ITGB3: variants seen among roughly 807,000 people sequenced by gnomAD.
The protein encoded by ITGB3 is integrin subunit beta 3.
ITGB3 carries 48 observed loss-of-function variants against 85.8 expected under a neutral mutation model. The observed-to-expected ratio is 0.56, with a 90% CI of 0.44 to 0.71. The LOEUF is 0.71. Ranked by LOEUF, ITGB3 falls within the 30% of genes least tolerant of loss-of-function variation. The pLI is 0.00. For missense variants in ITGB3, 861 were observed against 1,019.1 expected, an observed-to-expected ratio of 0.84 and a Z score of 2.11; for synonymous variants, 363 against 395.6, an observed-to-expected ratio of 0.92 and a Z score of 0.98.
intron 4 of ITGB3, 135 bp from the exon 5 acceptor site, chr17:47,286,125 G>C: frequency 2.0e-6 from 2 of 985,428 alleles, no homozygotes; most frequent in Non-Finnish European, 3.2e-6. Flanking sequence ...AGTCTGAACT[G>C]TCTGGGTAAC....
In ITGB3 at chr17:47,292,587, C is replaced by G. The variant is rs562984912; in HGVS notation, c.1690+19C>G. On this transcript the variant is annotated intron_variant, in intron 10 of 14. Transcript: ENST00000559488. ...TGCTCAGGTGAGGAGAACTGCAGGG[C>G]CCCCTGTCCTGGAACCCACACCCCC... is the stretch of plus-strand genomic sequence containing the variant. 6.3e-7 allele frequency: 1 copy of G among 1,599,024 alleles called. No individual in the cohort carries two copies. Among genetic ancestry groups the G allele is most frequent in the Non-Finnish European group, 8.5e-7 (1 of 1,179,256 alleles).
intron 2 of ITGB3, chr17:47,279,416 T>C (rs2292866): frequency 0.099 from 15,013 of 152,284 alleles, 978 homozygotes; most frequent in East Asian, 0.23. Context: ...GTCACTGCCT[T>C]GGTGCTCTTC....
intron 14 of ITGB3, 137 bp downstream of exon 14, chr17:47,307,774 T>C: frequency 1.2e-6 from 1 of 832,242 alleles, no homozygotes; most frequent in Non-Finnish European, 2.0e-6. Context: ...CTGGGAGAGA[T>C]GGTCTCACTA....
At chr17:47,278,063 C>A (rs1354281320) in intron 2 of ITGB3, among the ~76,000 whole-genome samples, 1 of 152,146 alleles carries the variant, frequency 6.6e-6, no homozygotes, top group Non-Finnish European at 1.5e-5. Context: ...TGAATACCAA[C>A]AACTATAAAC....
In ITGB3 at chr17:47,299,383, G is replaced by T; in HGVS notation, c.1766G>T (p.Arg589Leu). ...GGCTACTACTGCAACTGTACCACGCGTACTGACACCTGCATGTCCAGCAAT... is the reference window on the plus strand; with the variant it reads ...GGCTACTACTGCAACTGTACCACGCTTACTGACACCTGCATGTCCAGCAAT... The part of the protein sequence containing the change: ...WTGYYCNCTT[R>L]TDTCMSSNGL... Residue 589 changes from arginine to leucine, a missense_variant, in exon 11 of 15, where the codon CGT (arginine) becomes CTT (leucine). Arg to Leu is a moderately radical substitution (Grantham distance 102). Transcript: ENST00000559488. The surrounding 1 kb of genome is among the most constrained non-coding windows in gnomAD (Gnocchi z 5.1). 1 of 1,614,222 alleles carries T rather than the reference G, an allele frequency of 6.2e-7. No homozygotes were observed. The highest frequency in any genetic ancestry group is 8.5e-7 in the Non-Finnish European group (1 of 1,180,038).
At chr17:47,307,902 G>A (rs994720820) in intron 14 of ITGB3, among the ~76,000 whole-genome samples, 5 of 151,956 alleles carry the variant, frequency 3.3e-5, no homozygotes, top group Admixed American at 3.3e-4. Context: ...CTGGTGGCGC[G>A]TGCCTGTAAT....
chr17:47,272,710 T>TCTTG (rs1020184126), intron 1 of ITGB3, among the ~76,000 whole-genome samples: 1 of 145,582 alleles, frequency 6.9e-6, no homozygotes, highest in African/African-American at 2.6e-5. Flanking sequence ...CTTCTTTCTT[T>TCTTG]CTTTCTTTCT....
intron 1 of ITGB3, among the ~76,000 whole-genome samples, chr17:47,264,409 A>G (rs954740241): frequency 5.9e-5 from 9 of 152,236 alleles, no homozygotes; most frequent in African/African-American, 2.2e-4. Context: ...TGGCTCCGCT[A>G]CTGTCCAAAT....
intron 13 of ITGB3, among the ~76,000 whole-genome samples, chr17:47,304,835 T>C (rs1411281157): frequency 6.6e-6 from 1 of 152,158 alleles, no homozygotes; most frequent in East Asian, 1.9e-4. Flanking sequence ...CTTGAACTCC[T>C]GACTTCAAGT....
chr17:47,308,184 TAATAA>T (rs1555574018), intron 14 of ITGB3, among the ~76,000 whole-genome samples: 6 of 148,662 alleles, frequency 4.0e-5, no homozygotes, highest in Non-Finnish European at 5.9e-5. Flanking sequence ...ATAATAATAA[TAATAA>T]AATAAAATAA....
chr17:47,298,345 A>AG (rs2065153382), intron 10 of ITGB3, among the ~76,000 whole-genome samples: 1 of 151,562 alleles, frequency 6.6e-6, no homozygotes, highest in Non-Finnish European at 1.5e-5. Context: ...CATTCATGGG[A>AG]TTTGTTTAAC....
At chr17:47,254,088 C>A in intron 1 of ITGB3, 148 bp downstream of exon 1, 2 of 476,938 alleles carry the variant, frequency 4.2e-6, no homozygotes, top group Non-Finnish European at 6.6e-6. Flanking sequence ...CGGTCGGAGC[C>A]GGGAGCTGGG....
chr17:47,299,747 G>A lies in ITGB3; in HGVS notation c.1913+217G>A, dbSNP rs1283614366. ...GCCAAAGTTGAACGAGCTGGACTTC[G>A]ATTGAGAATGTCCTCTCCTAGGGTG... On this transcript the variant is annotated intron_variant, in intron 11 of 14. Coordinates refer to ENST00000559488, the MANE Select transcript of ITGB3 (RefSeq NM_000212.3). The surrounding 1 kb of genome is among the most constrained non-coding windows in gnomAD (Gnocchi z 5.1). 6.6e-6 allele frequency among the ~76,000 whole-genome samples: 1 copy of A among 152,230 alleles called. No homozygotes were observed. The highest frequency in any genetic ancestry group is 1.5e-5 in the Non-Finnish European group (1 of 68,040).
chr17:47,283,380 T>G lies in ITGB3; in HGVS notation c.192T>G (p.Cys64Trp). 6.2e-7 allele frequency: 1 copy of G among 1,614,252 alleles called. No individual in the cohort carries two copies. Among genetic ancestry groups the G allele is most frequent in the Non-Finnish European group, 8.5e-7 (1 of 1,180,048 alleles). ...DEALPLGSPR[C>W]DLKENLLKDN... Reference sequence around the variant, plus strand: ...CCCTGCCTCTGGGCTCACCTCGCTGTGACCTGAAGGAGAATCTGCTGAAGG... The same window carrying G: ...CCCTGCCTCTGGGCTCACCTCGCTGGGACCTGAAGGAGAATCTGCTGAAGG... The change falls in exon 3 of 15, where the codon TGT (cysteine) becomes TGG (tryptophan). Residue 64 changes from cysteine (C) to tryptophan (W), a missense_variant. Physicochemically the swap from Cys to Trp is radical, Grantham distance 215 (BLOSUM62 -2). Coordinates refer to ENST00000559488, the MANE Select transcript of ITGB3 (RefSeq NM_000212.3).
chr17:47,289,537 C>T lies in ITGB3; in HGVS notation c.940-144C>T. The stretch of plus-strand genomic sequence containing the variant: ...ATGGGGTCTTGCTATGTTGCCCAGG[C>T]TCTTGTCTCACTTTCAGCATGAAGT... On this transcript the variant is annotated intron_variant, in intron 6 of 14. Transcript: ENST00000559488. 4.4e-6 allele frequency: 3 copies of T among 681,142 alleles called. No homozygotes were observed. The Middle Eastern group carries it at 7.4e-4, about 168-fold the overall frequency. The allele number at this position is 681,142 out of a possible 1,614,324, so 42.2% of individuals were successfully genotyped here. A position where few individuals can be genotyped will look rare whatever the true frequency, so the allele number is the denominator to read the frequency against.
chr17:47,267,308 A>G (rs1449698883), intron 1 of ITGB3, among the ~76,000 whole-genome samples: 2 of 152,194 alleles, frequency 1.3e-5, no homozygotes, highest in Non-Finnish European at 2.9e-5. Flanking sequence ...AAGTGACATT[A>G]TGGTGAAGAT....
intron 12 of ITGB3, among the ~76,000 whole-genome samples, chr17:47,302,248 TAAG>T (rs2065170041): frequency 6.6e-6 from 1 of 151,890 alleles, no homozygotes; most frequent in Admixed American, 6.6e-5. Flanking sequence ...AGCAAACTAT[TAAG>T]AATCACTAAG....
chr17:47,254,296 G>T (rs972867731), intron 1 of ITGB3, among the ~76,000 whole-genome samples: 3 of 152,068 alleles, frequency 2.0e-5, no homozygotes, highest in Admixed American at 6.5e-5. Flanking sequence ...GGCCAAGGAC[G>T]ACTGGCCCAG....
intron 1 of ITGB3, among the ~76,000 whole-genome samples, chr17:47,267,940 G>A (rs1219983808): frequency 6.6e-6 from 1 of 152,198 alleles, no homozygotes; most frequent in Non-Finnish European, 1.5e-5. Flanking sequence ...AGGTTTAATT[G>A]ACTCACAGTT....
Sources: gnomAD v4.1 joint callset for allele counts (sites outside exome capture counted in the v4.1 genomes callset) on GRCh38, gnomAD v4.1.1 for gene constraint, Gnocchi (gnomAD v3.1) non-coding constraint, MANE v1.5 for transcripts, NCBI Gene and HGNC (gene_info 2026-07-23, HGNC 2026-07-21) for gene names.